Variants in ANO4 observed in about 807,000 individuals in gnomAD.
ANO4 encodes anoctamin-4.
ANO4 carries 69 observed loss-of-function variants against 141.9 expected under a neutral mutation model. The ratio of observed to expected loss-of-function variants is 0.49; its 90% confidence interval spans 0.40 to 0.59. The LOEUF (loss-of-function observed/expected upper bound fraction) is 0.59, where lower values mean the gene tolerates loss of function less well. Ranked by LOEUF, ANO4 falls within the 20% of genes least tolerant of loss-of-function variation. The probability of loss-of-function intolerance (pLI) is 0.00; values close to 1 mark genes in which losing one functional copy is unlikely to be tolerated. For synonymous variants in ANO4, 350 were observed against 394.3 expected (o/e 0.89, Z 1.33); for missense variants, 894 against 1,162.2 (o/e 0.77, Z 3.36).
chr12:100,796,236 C>T (rs2034311439), intron 1 of ANO4, among the ~76,000 whole-genome samples: 1 of 152,112 alleles, frequency 6.6e-6, no homozygotes, highest in Non-Finnish European at 1.5e-5. Context: ...AATTCAGTCT[C>T]TGATTCATAA....
intron 8 of ANO4, among the ~76,000 whole-genome samples, chr12:101,011,318 C>CTTTTTTTTTTTTTT (rs59483191): frequency 9.0e-6 from 1 of 110,688 alleles, no homozygotes; most frequent in Non-Finnish European, 1.9e-5. Context: ...GGCCTTTTTT[C>CTTTTTTTTTTTTTT]TTTTTTTTTT....
chr12:100,982,823 G>A (rs917920782), intron 7 of ANO4, among the ~76,000 whole-genome samples: 3 of 152,188 alleles, frequency 2.0e-5, no homozygotes, highest in African/African-American at 7.2e-5. Context: ...ATTAATTCAA[G>A]TTTGAATTAA....
At chr12:100,812,884 C>T (rs766528321) in intron 1 of ANO4, among the ~76,000 whole-genome samples, 1 of 152,208 alleles carries the variant, frequency 6.6e-6, no homozygotes, top group African/African-American at 2.4e-5. Context: ...TAAAAGCAGT[C>T]GGCAAGGTTC....
chr12:100,913,949 G>T (rs942006191), intron 2 of ANO4, among the ~76,000 whole-genome samples: 1 of 152,280 alleles, frequency 6.6e-6, no homozygotes, highest in East Asian at 1.9e-4. Flanking sequence ...ACAACATTTA[G>T]TGAGGCTGAA....
At chr12:100,917,802 G>A (rs2041415740) in intron 2 of ANO4, among the ~76,000 whole-genome samples, 1 of 152,182 alleles carries the variant, frequency 6.6e-6, no homozygotes, top group Admixed American at 6.6e-5. Context: ...GACTCTATGT[G>A]TGATCATAAT....
intron 1 of ANO4, among the ~76,000 whole-genome samples, chr12:100,832,319 G>A (rs1237754998): frequency 6.6e-6 from 1 of 152,084 alleles, no homozygotes; most frequent in East Asian, 1.9e-4. Flanking sequence ...AATCCTTTCT[G>A]TAAAACCCTT....
At chr12:100,806,789 G>A (rs550733904) in intron 1 of ANO4, among the ~76,000 whole-genome samples, 383 of 151,830 alleles carry the variant, frequency 2.5e-3, no homozygotes, top group Non-Finnish European at 3.8e-3. Flanking sequence ...TTATCTGCCT[G>A]CCTTGGCCTC....
At chr12:100,762,378 A>T (rs1336513883) in intron 3 of ANO4, among the ~76,000 whole-genome samples, 3 of 152,124 alleles carry the variant, frequency 2.0e-5, no homozygotes, top group Admixed American at 2.0e-4. Flanking sequence ...CTCAGGCACA[A>T]TTTGAGCCAA....
At chr12:100,844,351 T>C (rs2037448660) in intron 1 of ANO4, among the ~76,000 whole-genome samples, 1 of 151,760 alleles carries the variant, frequency 6.6e-6, no homozygotes, top group Non-Finnish European at 1.5e-5. Context: ...CATTTAGAGG[T>C]TGCAAGCAGG....
intron 19 of ANO4, among the ~76,000 whole-genome samples, chr12:101,097,289 T>C (rs1241503904): frequency 1.3e-5 from 2 of 152,202 alleles, no homozygotes; most frequent in African/African-American, 4.8e-5. Flanking sequence ...AATAGTTCAA[T>C]AATTTTTTTA....
intron 5 of ANO4, among the ~76,000 whole-genome samples, chr12:100,953,655 AAT>A (rs770976453): frequency 9.9e-5 from 15 of 152,236 alleles, no homozygotes; most frequent in Non-Finnish European, 1.9e-4. Flanking sequence ...ATTGTGGAGA[AAT>A]ATACAGGAAT....
At chr12:101,064,663 T>TAATAATAATAATA (rs1566196498) in intron 14 of ANO4, among the ~76,000 whole-genome samples, 7 of 130,168 alleles carry the variant, frequency 5.4e-5, no homozygotes, top group African/African-American at 1.6e-4. Flanking sequence ...CTTAAAGTAT[T>TAATAATAATAATA]ATAATAATAA....
At chr12:100,850,310 A>G (rs149328569) in intron 1 of ANO4, among the ~76,000 whole-genome samples, 33 of 152,178 alleles carry the variant, frequency 2.2e-4, no homozygotes, top group Admixed American at 2.1e-3. Context: ...CTAGGAGGAC[A>G]TGGTTCTTCC....
At chr12:100,875,600 C>A (rs1421017131) in intron 1 of ANO4, among the ~76,000 whole-genome samples, 1 of 152,186 alleles carries the variant, frequency 6.6e-6, no homozygotes, top group Non-Finnish European at 1.5e-5. Flanking sequence ...TTCCTATTGA[C>A]AAATATTTAT....
chr12:101,001,549 A>G (rs1256926865), intron 8 of ANO4, among the ~76,000 whole-genome samples: 2 of 152,250 alleles, frequency 1.3e-5, no homozygotes, highest in African/African-American at 4.8e-5. Context: ...ACTTGGAGTT[A>G]GAACCCAAAT....
At chr12:100,922,397 A>G (rs981025597) in intron 3 of ANO4, 67 bp downstream of exon 3, 3 of 1,083,750 alleles carry the variant, frequency 2.8e-6, no homozygotes, top group Non-Finnish European at 3.8e-6. Context: ...GGGAGGGGTA[A>G]TAAACTAGAA....
At chr12:101,013,259 T>A (rs1169027874) in intron 8 of ANO4, among the ~76,000 whole-genome samples, 2 of 152,176 alleles carry the variant, frequency 1.3e-5, no homozygotes, top group African/African-American at 4.8e-5. Flanking sequence ...ATGTGGGAGT[T>A]CAGTCATTTA....
At chr12:101,123,362 T>C (rs1052248262) in intron 26 of ANO4, among the ~76,000 whole-genome samples, 1 of 152,186 alleles carries the variant, frequency 6.6e-6, no homozygotes, top group Admixed American at 6.5e-5. Flanking sequence ...CATACAGGTT[T>C]GTTACACAGG....
intron 3 of ANO4, among the ~76,000 whole-genome samples, chr12:100,754,838 T>C (rs910118552): frequency 6.6e-6 from 1 of 152,184 alleles, no homozygotes; most frequent in Non-Finnish European, 1.5e-5. Context: ...TCTTGTATGA[T>C]TCCATTTATA....
Sources: gnomAD v4.1 joint callset for allele counts (sites outside exome capture counted in the v4.1 genomes callset) on GRCh38, gnomAD v4.1.1 for gene constraint, MANE v1.5 for transcripts, NCBI Gene and HGNC (gene_info 2026-07-23, HGNC 2026-07-21) for gene names.